Variants in MN1 observed in about 807,000 individuals in gnomAD.
MN1 encodes MN1 proto-oncogene, transcriptional regulator.
In MN1, 19 loss-of-function variants were observed where a neutral mutation model predicts 86.9. That is an observed-to-expected ratio of 0.22 (90% CI 0.15 to 0.32). MN1 has a LOEUF of 0.32. MN1 is among the 10% of genes least tolerant of loss of function. MN1 has a pLI of 1.00. For missense variants in MN1, 1,841 were observed against 1,862.0 expected, an observed-to-expected ratio of 0.99 and a Z score of 0.21; for synonymous variants, 928 against 849.6, an observed-to-expected ratio of 1.09 and a Z score of -1.60.
At position 27,762,297 on chromosome 22, in the gene MN1, A is replaced by G. The variant is rs45461200; in HGVS notation, c.3782-11201T>C. Among the ~76,000 whole-genome samples, 921 of 152,188 alleles carry G rather than the reference A, an allele frequency of 6.1e-3. 13 individuals carry two copies. Among genetic ancestry groups the G allele is most frequent in the African/African-American group, 0.021 (885 of 41,516 alleles). ...AGCACAGCCCGTCGGTTCTGAGGAA[A>G]TTGACTCCTCTGAGCCTCAATTTCC... On this transcript the variant is annotated intron_variant, in intron 1 of 1. Coordinates refer to ENST00000302326, the MANE Select transcript of MN1 (RefSeq NM_002430.3).
In MN1 at chr22:27,789,280, G is replaced by A. The variant is rs117096527; in HGVS notation, c.3781+7483C>T. 1.5e-3 allele frequency among the ~76,000 whole-genome samples: 232 copies of A among 152,262 alleles called. 1 individual carries two copies. Among genetic ancestry groups the A allele is most frequent in the Non-Finnish European group, 4.9e-4 (33 of 68,024 alleles). ...TTCTATAGCAATGGGTCCCAAATAC[G>A]CCTCCGCCAAGGGGTCTCCCTGTTT... On this transcript the variant is annotated intron_variant, in intron 1 of 1. Transcript: ENST00000302326.
intron 1 of MN1, among the ~76,000 whole-genome samples, chr22:27,763,097 A>AAAAAC (rs368897947): frequency 2.6e-5 from 4 of 152,196 alleles, no homozygotes; most frequent in Non-Finnish European, 4.4e-5. Context: ...CTTATCTCAA[A>AAAAAC]AAAACAAAAC....
At chr22:27,774,224 G>A (rs771530869) in intron 1 of MN1, among the ~76,000 whole-genome samples, 4 of 152,182 alleles carry the variant, frequency 2.6e-5, no homozygotes, top group African/African-American at 4.8e-5. Context: ...CTTCACCGTC[G>A]TGAACGGGGA....
At chr22:27,755,199 C>T (rs1167717408) in intron 1 of MN1, among the ~76,000 whole-genome samples, 1 of 152,214 alleles carries the variant, frequency 6.6e-6, no homozygotes, top group African/African-American at 2.4e-5. Context: ...TGGGCAGCTC[C>T]TGTCTGCAGA....
At chr22:27,775,218 C>T (rs1026388411) in intron 1 of MN1, among the ~76,000 whole-genome samples, 3 of 152,192 alleles carry the variant, frequency 2.0e-5, no homozygotes, top group African/African-American at 7.2e-5. Flanking sequence ...GGTGACATGG[C>T]ACATGCTCCA....
chr22:27,786,824 G>A (rs1933139953), intron 1 of MN1, among the ~76,000 whole-genome samples: 1 of 147,200 alleles, frequency 6.8e-6, no homozygotes, highest in South Asian at 2.2e-4. Flanking sequence ...GGCAATCCGG[G>A]CCCATTAATG....
chr22:27,778,668 G>C (rs576383023), intron 1 of MN1, among the ~76,000 whole-genome samples: 36 of 152,380 alleles, frequency 2.4e-4, no homozygotes, highest in South Asian at 8.3e-4. Context: ...GATCAGTCCA[G>C]TGGAAGGCCA....
At chr22:27,771,689 G>A (rs1247617591) in intron 1 of MN1, among the ~76,000 whole-genome samples, 1 of 152,216 alleles carries the variant, frequency 6.6e-6, no homozygotes, top group East Asian at 1.9e-4. Flanking sequence ...GCATGACAGG[G>A]AAAGGGATAG....
chr22:27,795,663 C>T (rs1325643944), intron 1 of MN1, among the ~76,000 whole-genome samples: 1 of 151,790 alleles, frequency 6.6e-6, no homozygotes, highest in Admixed American at 6.6e-5. Flanking sequence ...TTTAAGAAGC[C>T]ATTAGATATA....
chr22:27,755,661 C>A (rs929275670), intron 1 of MN1, among the ~76,000 whole-genome samples: 1 of 152,128 alleles, frequency 6.6e-6, no homozygotes, highest in African/African-American at 2.4e-5. Flanking sequence ...CCCTGAACAC[C>A]ACAGCACTTC....
At chr22:27,770,114 A>G (rs1932901858) in intron 1 of MN1, among the ~76,000 whole-genome samples, 1 of 152,136 alleles carries the variant, frequency 6.6e-6, no homozygotes, top group Admixed American at 6.6e-5. Flanking sequence ...CCTCATCCTA[A>G]CCTAGAGAAC....
chr22:27,769,400 C>T (rs1197262848), intron 1 of MN1, among the ~76,000 whole-genome samples: 2 of 151,992 alleles, frequency 1.3e-5, no homozygotes, highest in Admixed American at 6.6e-5. Context: ...AAAATTCACA[C>T]CCCCAGCCTC....
At chr22:27,760,400 T>C (rs569950732) in intron 1 of MN1, among the ~76,000 whole-genome samples, 1 of 151,804 alleles carries the variant, frequency 6.6e-6, no homozygotes, top group Non-Finnish European at 1.5e-5. Context: ...TCCCAGCTGC[T>C]TGGGAGGCTG....
At chr22:27,782,706 G>C (rs45623132) in intron 1 of MN1, among the ~76,000 whole-genome samples, 1,752 of 152,312 alleles carry the variant, frequency 0.012, 19 homozygotes, top group Middle Eastern at 0.061. Context: ...ATGAGGAAAT[G>C]AAGGAACAGA....
rs1933364994 is a variant in MN1, at chr22:27,798,797, C to T, written c.1747G>A (p.Asp583Asn). The change falls in exon 1 of 2, where the codon GAC becomes AAC. Residue 583 changes from aspartate (D) to asparagine (N), a missense_variant. Physicochemically the swap from Asp to Asn is conservative, Grantham distance 23. Transcript: ENST00000302326. ...TGCACCAGGCCGCCCTGGCCCACGT[C>T]CCCGGGGTGGCCTAGCTGAGCCAGG... ...PNLAQLGHPG[D>N]VGQGGLVHGG... The T allele has an allele frequency of 5.2e-6, 8 of 1,535,814 alleles. No individual in the cohort carries two copies. In the East Asian group the frequency reaches 9.8e-5, roughly 19 times the overall value.
chr22:27,777,702 T>TAC (rs35992247), intron 1 of MN1, among the ~76,000 whole-genome samples: 83,396 of 148,600 alleles, frequency 0.56, 23,935 homozygotes, highest in African/African-American at 0.67. Context: ...CTACTAAAAA[T>TAC]ACACACACAC....
chr22:27,797,652 C>T lies in MN1; in HGVS notation c.2892G>A (p.Ala964=), dbSNP rs1310214865. The T allele has an allele frequency of 1.2e-6, 2 of 1,600,298 alleles. No individual in the cohort carries two copies. The highest frequency in any genetic ancestry group is 2.3e-5 in the East Asian group (1 of 44,262). Residue 964 remains alanine, a synonymous_variant, in exon 1 of 2, where the codon GCG becomes GCA. Transcript: ENST00000302326. ...CAGGTGCGCCCCCGCTGTCCGGAGCCGCCGAGTACTTGTCAAAGAAGGTGC... is the reference window on the plus strand; with the variant it reads ...CAGGTGCGCCCCCGCTGTCCGGAGCTGCCGAGTACTTGTCAAAGAAGGTGC... ...SPGTFFDKYS[A]APDSGGAPGV...
chr22:27,797,293 A>C lies in MN1; in HGVS notation c.3251T>G (p.Leu1084Arg), dbSNP rs757688741. 2.5e-5 allele frequency: 40 copies of C among 1,597,090 alleles called. No individual in the cohort carries two copies. The highest frequency in any genetic ancestry group is 3.4e-5 in the Admixed American group (2 of 59,418). The change falls in exon 1 of 2, where the codon CTC (leucine) becomes CGC (arginine). Residue 1084 changes from leucine to arginine, a missense_variant. Physicochemically the swap from Leu to Arg is moderately radical, Grantham distance 102. Coordinates refer to ENST00000302326, the MANE Select transcript of MN1 (RefSeq NM_002430.3). ...RSPLVTGSPK[L>R]PPRGVGAGEH... The stretch of plus-strand genomic sequence containing the variant: ...CCCGGCGCCTACCCCACGGGGAGGG[A>C]GTTTGGGCGAGCCGGTCACCAGGGG...
At chr22:27,753,846 C>T (rs749480636) in intron 1 of MN1, among the ~76,000 whole-genome samples, 8 of 152,130 alleles carry the variant, frequency 5.3e-5, no homozygotes, top group Admixed American at 4.6e-4. Context: ...TTGTTCCCAG[C>T]GACCCCTCCA....
Sources: allele counts gnomAD v4.1 joint callset (sites outside exome capture counted in the v4.1 genomes callset), GRCh38; gene constraint gnomAD v4.1.1; transcripts MANE v1.5; gene names NCBI Gene and HGNC (gene_info 2026-07-23, HGNC 2026-07-21).